The following FAM81A variants were observed in gnomAD, a reference collection of about 807,000 sequenced individuals.
FAM81A encodes protein FAM81A.
A neutral mutation model predicts 46.7 loss-of-function variants in FAM81A; 19 were observed. The ratio of observed to expected loss-of-function variants is 0.41; its 90% CI spans 0.28 to 0.60. The LOEUF (loss-of-function observed/expected upper bound fraction) is 0.60. Ranked by LOEUF, FAM81A falls within the 20% of genes least tolerant of loss-of-function variation. The probability of loss-of-function intolerance (pLI) is 0.34; values close to 1 mark genes in which losing one functional copy is unlikely to be tolerated. For synonymous variants in FAM81A, 183 were observed against 152.9 expected, an observed-to-expected ratio of 1.20 and a Z score of -1.45; for missense variants, 377 against 453.5, an observed-to-expected ratio of 0.83 and a Z score of 1.53.
chr15:59,489,175 G>T (rs534346559), intron 3 of FAM81A, among the ~76,000 whole-genome samples: 25 of 152,146 alleles, frequency 1.6e-4, no homozygotes, highest in Non-Finnish European at 3.2e-4. Flanking sequence ...TGAGGCAGGA[G>T]AATGGCATGA....
intron 8 of FAM81A, among the ~76,000 whole-genome samples, chr15:59,518,287 C>G (rs2082288497): frequency 6.6e-6 from 1 of 151,636 alleles, no homozygotes; most frequent in African/African-American, 2.4e-5. Context: ...CTCATGATGC[C>G]TTTTTACCCC....
chr15:59,406,344 G>A (rs554040519), intron 2 of FAM81A, among the ~76,000 whole-genome samples: 1 of 152,300 alleles, frequency 6.6e-6, no homozygotes, highest in Admixed American at 6.5e-5. Flanking sequence ...ACTTACAGAT[G>A]AGGAGATTGA....
intron 3 of FAM81A, among the ~76,000 whole-genome samples, chr15:59,489,423 A>T (rs1378885060): frequency 2.0e-5 from 3 of 152,206 alleles, no homozygotes; most frequent in African/African-American, 7.2e-5. Flanking sequence ...ATAAAAATGG[A>T]AAGATATTCC....
At chr15:59,490,609 A>G (rs931720463) in intron 3 of FAM81A, among the ~76,000 whole-genome samples, 4 of 152,236 alleles carry the variant, frequency 2.6e-5, no homozygotes, top group East Asian at 1.9e-4. Context: ...AGGTGGGTGG[A>G]TTACTTGAAG....
At chr15:59,453,978 G>A (rs1457577093) in intron 1 of FAM81A, among the ~76,000 whole-genome samples, 2 of 152,108 alleles carry the variant, frequency 1.3e-5, no homozygotes, top group Non-Finnish European at 2.9e-5. Flanking sequence ...GCCTGCCTGG[G>A]AGGCCCTTGC....
At chr15:59,452,640 G>A (rs2081432695) in intron 1 of FAM81A, among the ~76,000 whole-genome samples, 2 of 152,144 alleles carry the variant, frequency 1.3e-5, no homozygotes, top group Non-Finnish European at 2.9e-5. Context: ...GAATGAGACA[G>A]TGTCTCACAC....
intron 1 of FAM81A, among the ~76,000 whole-genome samples, chr15:59,450,223 C>T (rs2081403130): frequency 6.6e-6 from 1 of 151,706 alleles, no homozygotes; most frequent in Non-Finnish European, 1.5e-5. Flanking sequence ...AGCCACTGCA[C>T]CTCGCTGCTA....
intron 3 of FAM81A, among the ~76,000 whole-genome samples, chr15:59,473,651 A>T (rs1367211410): frequency 2.0e-5 from 3 of 152,152 alleles, no homozygotes; most frequent in Non-Finnish European, 4.4e-5. Context: ...TAGAGATGGG[A>T]GTCAGTCTAT....
At chr15:59,492,912 G>A (rs1010543903) in intron 4 of FAM81A, among the ~76,000 whole-genome samples, 4 of 152,122 alleles carry the variant, frequency 2.6e-5, no homozygotes, top group African/African-American at 7.2e-5. Context: ...AGCCCACCCT[G>A]CAACTACTGA....
chr15:59,484,944 A>G (rs1212201275), intron 3 of FAM81A, among the ~76,000 whole-genome samples: 1 of 152,104 alleles, frequency 6.6e-6, no homozygotes, highest in Admixed American at 6.5e-5. Context: ...CAAACTGAAT[A>G]AAGAGCCCTT....
intron 2 of FAM81A, among the ~76,000 whole-genome samples, chr15:59,410,317 A>G (rs1163308348): frequency 6.6e-6 from 1 of 152,202 alleles, no homozygotes; most frequent in Non-Finnish European, 1.5e-5. Context: ...AAGAAGAAGA[A>G]GAAATTACTA....
At chr15:59,480,889 C>T (rs1270158598) in intron 3 of FAM81A, among the ~76,000 whole-genome samples, 2 of 152,078 alleles carry the variant, frequency 1.3e-5, no homozygotes, top group Non-Finnish European at 2.9e-5. Context: ...AGTAATAAGC[C>T]GTCTAACACC....
At position 59,508,974 on chromosome 15, in the gene FAM81A, G is replaced by A; in HGVS notation, c.650+5G>A. The A allele has an allele frequency of 1.9e-6, 3 of 1,599,280 alleles. No individual in the cohort carries two copies. The highest frequency in any genetic ancestry group is 2.6e-6 in the Non-Finnish European group (3 of 1,173,400). On this transcript the variant is annotated splice_donor_5th_base_variant and intron_variant, in intron 6 of 8. Transcript: ENST00000288228. ...GCTTCAGCTTTTGGACACTAAGTAA[G>A]CAATCAATTTATTAAAAAAATAAAA...
At chr15:59,464,361 A>C (rs1272034695) in intron 3 of FAM81A, among the ~76,000 whole-genome samples, 1 of 152,104 alleles carries the variant, frequency 6.6e-6, no homozygotes, top group Non-Finnish European at 1.5e-5. Context: ...ATCATATGGT[A>C]GTTCTATTTG....
At chr15:59,412,442 C>T (rs538780743) in intron 2 of FAM81A, among the ~76,000 whole-genome samples, 2 of 152,214 alleles carry the variant, frequency 1.3e-5, no homozygotes, top group South Asian at 2.1e-4. Context: ...AATAGTGTTA[C>T]AAGCCGGGCA....
chr15:59,464,895 G>A (rs1378722931), intron 3 of FAM81A, among the ~76,000 whole-genome samples: 1 of 152,144 alleles, frequency 6.6e-6, no homozygotes, highest in Non-Finnish European at 1.5e-5. Context: ...TCCTAGACCA[G>A]TGTCCTGAAG....
chr15:59,505,419 G>A (rs2082138672), intron 4 of FAM81A, among the ~76,000 whole-genome samples: 1 of 151,992 alleles, frequency 6.6e-6, no homozygotes, highest in African/African-American at 2.4e-5. Context: ...GGCTGAGGCA[G>A]GAGAACGGCT....
At chr15:59,514,788 A>G (rs1351329469) in intron 7 of FAM81A, among the ~76,000 whole-genome samples, 1 of 152,226 alleles carries the variant, frequency 6.6e-6, no homozygotes, top group African/African-American at 2.4e-5. Context: ...CCTGGTGTTG[A>G]ATAGATTTCT....
At chr15:59,443,209 A>C (rs1439601703) in intron 1 of FAM81A, among the ~76,000 whole-genome samples, 1 of 152,004 alleles carries the variant, frequency 6.6e-6, no homozygotes, top group African/African-American at 2.4e-5. Context: ...CAGCCTCCCG[A>C]GTAGCTGGGA....
Sources: allele counts gnomAD v4.1 joint callset (sites outside exome capture counted in the v4.1 genomes callset), GRCh38; gene constraint gnomAD v4.1.1; transcripts MANE v1.5; gene names NCBI Gene and HGNC (gene_info 2026-07-23, HGNC 2026-07-21).